The following LCORL variants were observed in gnomAD, a reference collection of about 807,000 sequenced individuals.
LCORL encodes ligand-dependent nuclear receptor corepressor-like protein.
In LCORL, 41 loss-of-function variants were observed where a neutral mutation model predicts 141.8. The ratio of observed to expected loss-of-function variants is 0.29; its 90% confidence interval spans 0.23 to 0.38. The LOEUF (loss-of-function observed/expected upper bound fraction) is 0.38. Among genes scored for constraint, LCORL ranks in the 10% least tolerant of loss-of-function variants. The probability of loss-of-function intolerance (pLI) is 1.00; values close to 1 mark genes in which losing one functional copy is unlikely to be tolerated. For missense variants in LCORL, 1,759 were observed against 2,035.0 expected, an observed-to-expected ratio of 0.86 and a Z score of 2.61; for synonymous variants, 618 against 694.1, an observed-to-expected ratio of 0.89 and a Z score of 1.72.
intron 5 of LCORL, among the ~76,000 whole-genome samples, chr4:17,901,397 A>C (rs555563102): frequency 1.3e-5 from 2 of 151,444 alleles, no homozygotes; most frequent in South Asian, 4.2e-4. Flanking sequence ...AAAAAAAAAA[A>C]CAACAAAATC....
At chr4:17,843,570 A>G (rs1722637542) in exon 8 of LCORL, 4 of 820,110 alleles carry the variant, frequency 4.9e-6, no homozygotes, top group Non-Finnish European at 5.7e-6. Context: ...TTTGGCCTGT[A>G]TTAAAGCAGT....
chr4:17,849,250 G>A (rs956323333), intron 7 of LCORL, among the ~76,000 whole-genome samples: 6 of 152,194 alleles, frequency 3.9e-5, no homozygotes, highest in Non-Finnish European at 5.9e-5. Context: ...CCTGACCCCC[G>A]AGCAGCCTAA....
intron 5 of LCORL, among the ~76,000 whole-genome samples, chr4:17,906,065 T>C (rs926026599): frequency 6.6e-5 from 10 of 152,206 alleles, no homozygotes; most frequent in Admixed American, 6.5e-4. Flanking sequence ...TAGCAAGACA[T>C]TTAAAAATTG....
At chr4:18,006,740 C>T (rs529457236) in intron 1 of LCORL, among the ~76,000 whole-genome samples, 3 of 152,192 alleles carry the variant, frequency 2.0e-5, no homozygotes, top group East Asian at 1.9e-4. Context: ...AGACCCATTC[C>T]CTATAATTCA....
At chr4:17,929,467 A>G (rs958280864) in intron 4 of LCORL, among the ~76,000 whole-genome samples, 1 of 152,236 alleles carries the variant, frequency 6.6e-6, no homozygotes, top group Admixed American at 6.5e-5. Context: ...AAACGCACTC[A>G]TATACAGTTA....
intron 4 of LCORL, among the ~76,000 whole-genome samples, chr4:17,915,932 G>A (rs546508752): frequency 6.6e-6 from 1 of 152,288 alleles, no homozygotes; most frequent in South Asian, 2.1e-4. Flanking sequence ...GGAGGTGATC[G>A]GATCATGGTG....
intron 5 of LCORL, among the ~76,000 whole-genome samples, chr4:17,895,616 C>T (rs1194769449): frequency 6.6e-6 from 1 of 152,154 alleles, no homozygotes; most frequent in Non-Finnish European, 1.5e-5. Context: ...GCAGTTTTCT[C>T]TGTATTCAGA....
chr4:17,924,836 C>T (rs1734867536), intron 4 of LCORL, among the ~76,000 whole-genome samples: 1 of 152,018 alleles, frequency 6.6e-6, no homozygotes, highest in Non-Finnish European at 1.5e-5. Flanking sequence ...ACAATTACAA[C>T]TCCAACTAGA....
At chr4:17,851,420 C>G (rs997646787) in intron 7 of LCORL, among the ~76,000 whole-genome samples, 5 of 152,116 alleles carry the variant, frequency 3.3e-5, no homozygotes, top group African/African-American at 4.8e-5. Context: ...ATGTAGGTAT[C>G]TGTGTTTCAA....
At chr4:18,005,742 T>C (rs1722688517) in intron 1 of LCORL, among the ~76,000 whole-genome samples, 1 of 152,176 alleles carries the variant, frequency 6.6e-6, no homozygotes, top group African/African-American at 2.4e-5. Context: ...TTGGCCCCTT[T>C]CAGTAATGGC....
intron 7 of LCORL, among the ~76,000 whole-genome samples, chr4:17,865,710 G>A (rs905306810): frequency 1.3e-5 from 2 of 152,148 alleles, no homozygotes; most frequent in Non-Finnish European, 1.5e-5. Flanking sequence ...TTCTCAAAGT[G>A]TACTTCCAGG....
chr4:17,857,154 G>C (rs1167771141), intron 7 of LCORL, among the ~76,000 whole-genome samples: 1 of 152,232 alleles, frequency 6.6e-6, no homozygotes, highest in East Asian at 1.9e-4. Context: ...ATGATACGGA[G>C]AGAACCCCAA....
chr4:17,918,764 A>T (rs1459569541), intron 4 of LCORL, among the ~76,000 whole-genome samples: 3 of 152,202 alleles, frequency 2.0e-5, no homozygotes, highest in Non-Finnish European at 4.4e-5. Flanking sequence ...TATTCCCAAA[A>T]GGAAAGAAGA....
intron 4 of LCORL, among the ~76,000 whole-genome samples, chr4:17,945,262 A>G (rs1452840444): frequency 2.6e-5 from 4 of 152,144 alleles, no homozygotes; most frequent in Admixed American, 1.3e-4. Flanking sequence ...TATTATAAAA[A>G]TTACATTTAA....
intron 7 of LCORL, among the ~76,000 whole-genome samples, chr4:17,850,937 A>T (rs1302017451): frequency 6.6e-6 from 1 of 150,456 alleles, no homozygotes; most frequent in Non-Finnish European, 1.5e-5. Flanking sequence ...ACCATGGAAT[A>T]CTATGCAGCC....
chr4:17,995,155 G>A (rs546813391), intron 1 of LCORL, among the ~76,000 whole-genome samples: 1 of 148,736 alleles, frequency 6.7e-6, no homozygotes, highest in Non-Finnish European at 1.5e-5. Context: ...TTTGTTTAGT[G>A]CTTTTTCAAT....
At chr4:17,965,902 C>T (rs1217378526) in intron 2 of LCORL, among the ~76,000 whole-genome samples, 3 of 151,918 alleles carry the variant, frequency 2.0e-5, no homozygotes, top group Non-Finnish European at 4.4e-5. Flanking sequence ...TCCCTTTAAT[C>T]CATAGGCTGT....
chr4:18,021,852 A>C lies in LCORL; in HGVS notation c.-101T>G. On this transcript the variant is annotated 5_prime_UTR_variant, in exon 1 of 8. Coordinates refer to ENST00000635767, the Ensembl canonical transcript of LCORL. The surrounding 1 kb of genome is among the most constrained non-coding windows in gnomAD (Gnocchi z 5.5). ...GAGCCCCGGAGCGCGCGCCCCCCGG[A>C]GGGGGGTTGATTGACACGTGTCACT... 7.6e-7 allele frequency: 1 copy of C among 1,322,938 alleles called. No homozygotes were observed. Among genetic ancestry groups the C allele is most frequent in the Non-Finnish European group, 9.8e-7 (1 of 1,017,406 alleles). The allele number at this position is 1,322,938 out of a possible 1,614,324, so 81.9% of individuals were successfully genotyped here. A position where few individuals can be genotyped will look rare whatever the true frequency, so the allele number is the denominator to read the frequency against.
At chr4:18,019,870 A>G (rs777870313) in intron 1 of LCORL, among the ~76,000 whole-genome samples, 1 of 152,252 alleles carries the variant, frequency 6.6e-6, no homozygotes, top group Non-Finnish European at 1.5e-5. Context: ...TACATAAGCA[A>G]TTATCAAAAA....
Sources: allele counts gnomAD v4.1 joint callset (sites outside exome capture counted in the v4.1 genomes callset), GRCh38; gene constraint gnomAD v4.1.1; non-coding constraint Gnocchi (gnomAD v3.1); transcripts MANE v1.5; gene names NCBI Gene and HGNC (gene_info 2026-07-23, HGNC 2026-07-21).